LIMS2: variants seen among roughly 807,000 people sequenced by gnomAD.
The protein encoded by LIMS2 is LIM zinc finger domain containing 2.
LIMS2 carries 30 observed loss-of-function variants against 45.3 expected under a neutral mutation model. That is an observed-to-expected ratio of 0.66 (90% CI 0.50 to 0.90). LIMS2 has a LOEUF of 0.90. Ranked by LOEUF, LIMS2 falls within the 40% of genes least tolerant of loss-of-function variation. The probability of loss-of-function intolerance (pLI) is 0.00; values close to 1 mark genes in which losing one functional copy is unlikely to be tolerated. For synonymous variants in LIMS2, 173 were observed against 188.0 expected, an observed-to-expected ratio of 0.92 and a Z score of 0.65; for missense variants, 485 against 468.7, an observed-to-expected ratio of 1.03 and a Z score of -0.32.
Position 127,642,661 on chromosome 2 carries a change from G to A in LIMS2, c.509+262C>T. ...TGCTCCATCTCAACCCTCGTCTGCA[G>A]TCTAGGGGTCCAGCCCACCCGCCTC... On this transcript the variant is annotated intron_variant, in intron 5 of 9. Transcript: ENST00000355119. The surrounding 1 kb of genome is among the most constrained non-coding windows in gnomAD (Gnocchi z 5.3). The A allele has an allele frequency of 1.9e-6, 1 of 513,526 alleles. No individual in the cohort carries two copies. The highest frequency in any genetic ancestry group is 3.5e-6 in the Non-Finnish European group (1 of 285,930). 31.8% of individuals were successfully genotyped at this position (513,526 alleles called of 1,614,324 possible).
In LIMS2 at chr2:127,657,534, C is replaced by T. The variant is rs200688714; in HGVS notation, c.40G>A (p.Val14Met). ...AAGCGGGCCTGGCAGCGCTGGCACA[C>T]GGCGTTGGCCAAGGCGTCCGACATA... ...SNMSDALANA[V>M]CQRCQARFSP... Residue 14 changes from valine (V) to methionine (M), a missense_variant, in exon 2 of 10, where the codon GTG becomes ATG. Val to Met is a conservative substitution (Grantham distance 21, BLOSUM62 1). Transcript: ENST00000355119. 3.5e-5 allele frequency: 56 copies of T among 1,609,134 alleles called. No individual in the cohort carries two copies. The highest frequency in any genetic ancestry group is 1.7e-4 in the Middle Eastern group (1 of 6,004).
Position 127,649,885 on chromosome 2 carries a change from G to C in LIMS2, c.359+4539C>G, listed in dbSNP as rs529443239. 4 of 759,470 alleles carry C rather than the reference G, an allele frequency of 5.3e-6. No homozygotes were observed. The African/African-American group carries it at 7.0e-5, about 13-fold the overall frequency. The allele number at this position is 759,470 out of a possible 1,614,324, so 47.0% of individuals were successfully genotyped here. On this transcript the variant is annotated intron_variant, in intron 4 of 9. Transcript: ENST00000355119. Reference sequence around the variant, plus strand: ...AGTGTCTCTGACGCTGGGTAAAATGGGTCTTCCCCTCCTGGAAGAGATGCT... The same window carrying C: ...AGTGTCTCTGACGCTGGGTAAAATGCGTCTTCCCCTCCTGGAAGAGATGCT...
intron 4 of LIMS2, chr2:127,651,158 G>A: frequency 6.2e-7 from 1 of 1,612,914 alleles, no homozygotes; most frequent in Non-Finnish European, 8.5e-7. Flanking sequence ...AGTCCCTCAA[G>A]CTCCGCAGGC....
intron 4 of LIMS2, chr2:127,643,300 G>C: frequency 3.4e-6 from 2 of 586,808 alleles, no homozygotes; most frequent in Non-Finnish European, 6.1e-6. Flanking sequence ...CAGAATGCTC[G>C]AGGTTACTGT....
At position 127,664,520 on chromosome 2, in the gene LIMS2, C is replaced by G. The variant is rs1684893116; in HGVS notation, c.12-6958G>C. On this transcript the variant is annotated intron_variant, in intron 1 of 9. Transcript: ENST00000355119. The surrounding 1 kb of genome is among the most constrained non-coding windows in gnomAD (Gnocchi z 5.5). ...GGGACGGGCGTGTGGGCGCCTCCCC[C>G]GCGCTGGTCGCGAGCTCACGTTACG... 6 of 1,152,422 alleles carry G rather than the reference C, an allele frequency of 5.2e-6. No individual in the cohort carries two copies. The highest frequency in any genetic ancestry group is 3.6e-4 in the Middle Eastern group (1 of 2,762). The allele number at this position is 1,152,422 out of a possible 1,614,324, so 71.4% of individuals were successfully genotyped here. A position where few individuals can be genotyped will look rare whatever the true frequency, so the allele number is the denominator to read the frequency against.
intron 1 of LIMS2, among the ~76,000 whole-genome samples, chr2:127,663,801 G>A (rs1039448313): frequency 5.3e-5 from 8 of 152,152 alleles, no homozygotes; most frequent in African/African-American, 1.9e-4. Flanking sequence ...CTGACCCCAA[G>A]AGTGAGGGGA....
chr2:127,649,091 GA>G (rs752842992), intron 4 of LIMS2, among the ~76,000 whole-genome samples: 2 of 133,546 alleles, frequency 1.5e-5, no homozygotes, highest in Non-Finnish European at 3.3e-5. Context: ...AAGAAAAAAA[GA>G]AAAAAGAAAA....
chr2:127,662,242 TG>T (rs1417818738), intron 1 of LIMS2, among the ~76,000 whole-genome samples: 1 of 152,118 alleles, frequency 6.6e-6, no homozygotes, highest in Non-Finnish European at 1.5e-5. Context: ...CAGGGACTGT[TG>T]GGAGGGTTCA....
intron 1 of LIMS2, among the ~76,000 whole-genome samples, chr2:127,673,308 T>C (rs968927918): frequency 6.6e-6 from 1 of 152,232 alleles, no homozygotes; most frequent in Non-Finnish European, 1.5e-5. Context: ...TTATCTTTTA[T>C]GTTTCCAGGT....
At chr2:127,660,805 A>T (rs182630744) in intron 1 of LIMS2, among the ~76,000 whole-genome samples, 14 of 152,038 alleles carry the variant, frequency 9.2e-5, no homozygotes, top group Admixed American at 5.9e-4. Flanking sequence ...CTTCCGGCTC[A>T]TCTTCCAGTT....
In LIMS2 at chr2:127,654,492, C is replaced by G. The variant is rs11900522; in HGVS notation, c.291G>C (p.Pro97=). The change falls in exon 4 of 10, where the codon CCG becomes CCC. Residue 97 remains proline (P), a synonymous_variant. Coordinates refer to ENST00000355119, the MANE Select transcript of LIMS2 (RefSeq NM_001161403.3). ...VIKAMNNNWH[P]GCFRCELCDV... is the part of the protein sequence containing the mutation. ...CACACAGCTCGCAGCGGAAGCAGCC[C>G]GGGTGCCAGTTGTTGTTCATGGCCT... is the stretch of plus-strand genomic sequence containing the variant. 3 of 1,614,128 alleles carry G rather than the reference C, an allele frequency of 1.9e-6. No individual in the cohort carries two copies. The highest frequency in any genetic ancestry group is 2.2e-5 in the South Asian group (2 of 91,084).
chr2:127,654,056 G>C (rs534850825), intron 4 of LIMS2, among the ~76,000 whole-genome samples: 9 of 152,096 alleles, frequency 5.9e-5, no homozygotes, highest in Non-Finnish European at 1.2e-4. Flanking sequence ...GTACCCATGA[G>C]GTTTGTGGCC....
rs747134832 is a variant in LIMS2, at chr2:127,651,438, C to T, written c.359+2986G>A. 11 of 1,612,710 alleles carry T rather than the reference C, an allele frequency of 6.8e-6. No homozygotes were observed. The highest frequency in any genetic ancestry group is 1.3e-5 in the African/African-American group (1 of 74,950). ...GAAGCGCCTCAAGACCAAGGCAGTGCGCATGATCGCCATAGTGCTGGCCAT... is the reference window on the plus strand; with the variant it reads ...GAAGCGCCTCAAGACCAAGGCAGTGTGCATGATCGCCATAGTGCTGGCCAT... On this transcript the variant is annotated intron_variant, in intron 4 of 9. Transcript: ENST00000355119.
intron 4 of LIMS2, chr2:127,650,119 T>TA: frequency 6.5e-7 from 1 of 1,546,312 alleles, no homozygotes. Flanking sequence ...GGTACAGCCC[T>TA]TGCTGCCATC....
In LIMS2 at chr2:127,645,661, A is replaced by T. The variant is rs1026928559; in HGVS notation, c.360-2589T>A. Among the ~76,000 whole-genome samples the T allele has an allele frequency of 4.1e-4, 62 of 152,238 alleles. 1 individual carries two copies. The highest frequency in any genetic ancestry group is 1.3e-4 in the Admixed American group (2 of 15,292). On this transcript the variant is annotated intron_variant, in intron 4 of 9. Coordinates refer to ENST00000355119, the MANE Select transcript of LIMS2 (RefSeq NM_001161403.3). ...ATTCTGTGTGCCCAAATGGGGCCTCATTATACAGGGCAGGACACAAGGACC... is the reference window on the plus strand; with the variant it reads ...ATTCTGTGTGCCCAAATGGGGCCTCTTTATACAGGGCAGGACACAAGGACC...
At chr2:127,659,941 G>A (rs1684504793) in intron 1 of LIMS2, among the ~76,000 whole-genome samples, 1 of 152,140 alleles carries the variant, frequency 6.6e-6, no homozygotes, top group Non-Finnish European at 1.5e-5. Context: ...TTTCCTTGTG[G>A]TTATGGGCAC....
rs761150954 is a variant in LIMS2 at position 127,650,830 on chromosome 2, T to A, written c.359+3594A>T. ...GGCCAGGAGACGCCACTGGAGAACA[T>A]GCTGTTCGCCTCCTTCTACCTTCTG... On this transcript the variant is annotated intron_variant, in intron 4 of 9. Coordinates refer to ENST00000355119, the MANE Select transcript of LIMS2 (RefSeq NM_001161403.3). 6.2e-6 allele frequency: 10 copies of A among 1,613,960 alleles called. No individual in the cohort carries two copies. The highest frequency in any genetic ancestry group is 8.5e-6 in the Non-Finnish European group (10 of 1,179,862).
intron 1 of LIMS2, chr2:127,674,271 G>A (rs994000113): frequency 6.3e-6 from 1 of 158,228 alleles, no homozygotes; most frequent in African/African-American, 2.4e-5. Context: ...CAGGGCCTCA[G>A]GGACAGCCCC....
intron 7 of LIMS2, 74 bp from the exon 8 acceptor site, chr2:127,640,392 T>C: frequency 4.0e-6 from 6 of 1,510,422 alleles, no homozygotes; most frequent in African/African-American, 1.4e-5. Context: ...GCAGCCAGCC[T>C]GGCCCTCCAA....
Sources: allele counts gnomAD v4.1 joint callset (sites outside exome capture counted in the v4.1 genomes callset), GRCh38; gene constraint gnomAD v4.1.1; non-coding constraint Gnocchi (gnomAD v3.1); transcripts MANE v1.5; gene names NCBI Gene and HGNC (gene_info 2026-07-23, HGNC 2026-07-21).